Variants in CDC123 observed in about 807,000 individuals in gnomAD.
CDC123 encodes cell division cycle 123.
CDC123 carries 37 observed loss-of-function variants against 54.4 expected under a neutral mutation model. The ratio of observed to expected loss-of-function variants is 0.68; its 90% confidence interval spans 0.52 to 0.89. CDC123 has a LOEUF of 0.89. Ranked by LOEUF, CDC123 falls within the 40% of genes least tolerant of loss-of-function variation. The pLI is 0.00. For missense variants in CDC123, 361 were observed against 412.1 expected, an observed-to-expected ratio of 0.88 and a Z score of 1.07; for synonymous variants, 144 against 136.8, an observed-to-expected ratio of 1.05 and a Z score of -0.37.
At chr10:12,211,564 G>A (rs1435572459) in intron 4 of CDC123, among the ~76,000 whole-genome samples, 3 of 152,194 alleles carry the variant, frequency 2.0e-5, no homozygotes, top group African/African-American at 7.2e-5. Flanking sequence ...TCATGTAAAT[G>A]TTACTTATCT....
rs1048368182 is a variant in CDC123 at position 12,198,777 on chromosome 10, G to C, written c.146+1G>C. Reference sequence around the variant, plus strand: ...ATGGAACTCTGGTGGTTTCAGGAAGGTAAAGTATTTTAGAAAAAAATTTCT... The same window carrying C: ...ATGGAACTCTGGTGGTTTCAGGAAGCTAAAGTATTTTAGAAAAAAATTTCT... On this transcript the variant is annotated splice_donor_variant, in intron 2 of 12. Coordinates refer to ENST00000281141, the MANE Select transcript of CDC123 (RefSeq NM_006023.3). LOFTEE classifies it high-confidence loss of function. The C allele has an allele frequency of 5.8e-6, 9 of 1,548,384 alleles. No homozygotes were observed. Among genetic ancestry groups the C allele is most frequent in the African/African-American group, 1.4e-5 (1 of 72,934 alleles).
At chr10:12,246,990 C>G (rs1479088643) in intron 11 of CDC123, 2 of 135,666 alleles carry the variant, frequency 1.5e-5, no homozygotes, top group African/African-American at 2.8e-5. Flanking sequence ...CCTCAGGACA[C>G]TGTCCTCCTC....
chr10:12,244,255 C>G (rs61286303), intron 10 of CDC123, among the ~76,000 whole-genome samples: 1 of 152,218 alleles, frequency 6.6e-6, no homozygotes, highest in Non-Finnish European at 1.5e-5. Context: ...AGACACACAC[C>G]CGCTCAGGAC....
intron 6 of CDC123, among the ~76,000 whole-genome samples, chr10:12,224,194 T>C (rs1835774350): frequency 6.6e-6 from 1 of 151,426 alleles, no homozygotes. Context: ...GCCATTATTT[T>C]GTTCCTTAAA....
chr10:12,198,157 T>A (rs76448698), intron 1 of CDC123, among the ~76,000 whole-genome samples: 2,006 of 152,316 alleles, frequency 0.013, 88 homozygotes, highest in East Asian at 0.12. Context: ...AGCTAAAGCA[T>A]GCCTAGTTTA....
chr10:12,200,752 G>T (rs1196128151), intron 2 of CDC123, among the ~76,000 whole-genome samples: 1 of 152,128 alleles, frequency 6.6e-6, no homozygotes, highest in Non-Finnish European at 1.5e-5. Context: ...GACCAACATG[G>T]TGAAACCTCA....
chr10:12,196,482 C>A (rs1835348760), intron 1 of CDC123, among the ~76,000 whole-genome samples, 163 bp downstream of exon 1: 1 of 152,174 alleles, frequency 6.6e-6, no homozygotes, highest in South Asian at 2.1e-4. Flanking sequence ...CTGTTGCGAG[C>A]CAGCGAGTGT....
chr10:12,226,492 T>C (rs1230649101), intron 6 of CDC123, among the ~76,000 whole-genome samples: 1 of 146,542 alleles, frequency 6.8e-6, no homozygotes, highest in Non-Finnish European at 1.5e-5. Context: ...GGCTCCTCAC[T>C]TCTCAGACGG....
chr10:12,200,379 G>A (rs561632613), intron 2 of CDC123, among the ~76,000 whole-genome samples: 2 of 151,928 alleles, frequency 1.3e-5, no homozygotes, highest in South Asian at 2.1e-4. Flanking sequence ...ACCTGCTTCA[G>A]CCTCCCAAAG....
At position 12,249,604 on chromosome 10, in the gene CDC123, A is replaced by T; in HGVS notation, c.870A>T (p.Thr290=). ...QEQDSPAFRC[T]NSEVTVQPSP... is the part of the protein sequence containing the mutation. Reference sequence around the variant, plus strand: ...AGGATTCCCCAGCTTTCCGTTGCACAAACAGTGAAGTGACAGTCCAGCCCA... The same window carrying T: ...AGGATTCCCCAGCTTTCCGTTGCACTAACAGTGAAGTGACAGTCCAGCCCA... Residue 290 remains threonine (T), a synonymous_variant, in exon 12 of 13, where the codon ACA becomes ACT. Transcript: ENST00000281141. 1 of 1,613,718 alleles carries T rather than the reference A, an allele frequency of 6.2e-7. No homozygotes were observed. The highest frequency in any genetic ancestry group is 8.5e-7 in the Non-Finnish European group (1 of 1,179,934).
At chr10:12,247,102 C>A (rs1836153758) in intron 11 of CDC123, 1 of 102,206 alleles carries the variant, frequency 9.8e-6, no homozygotes, top group Non-Finnish European at 2.3e-5. Flanking sequence ...CTGTCCTCCT[C>A]TCTCACCTCC....
At chr10:12,239,705 T>C (rs1318731556) in intron 10 of CDC123, among the ~76,000 whole-genome samples, 1 of 23,782 alleles carries the variant, frequency 4.2e-5, no homozygotes, top group Non-Finnish European at 9.0e-5. Flanking sequence ...CGAAACTCTG[T>C]TTTTTAAAAA....
At chr10:12,222,608 CAAG>C (rs1835752263) in intron 6 of CDC123, among the ~76,000 whole-genome samples, 1 of 152,040 alleles carries the variant, frequency 6.6e-6, no homozygotes, top group East Asian at 1.9e-4. Flanking sequence ...GCTGAGTAGA[CAAG>C]AAAACATTTT....
At chr10:12,205,113 C>G (rs1835501090) in intron 2 of CDC123, among the ~76,000 whole-genome samples, 1 of 151,650 alleles carries the variant, frequency 6.6e-6, no homozygotes, top group African/African-American at 2.4e-5. Flanking sequence ...CATCTTTCTA[C>G]TCTCTATATC....
chr10:12,204,304 C>G (rs1835484601), intron 2 of CDC123, among the ~76,000 whole-genome samples: 1 of 152,024 alleles, frequency 6.6e-6, no homozygotes, highest in South Asian at 2.1e-4. Context: ...CTGACCTTGT[C>G]TCCCTTAAGG....
At chr10:12,201,714 GGAAGGCATT>G (rs1421797941) in intron 2 of CDC123, among the ~76,000 whole-genome samples, 2 of 152,192 alleles carry the variant, frequency 1.3e-5, no homozygotes, top group Non-Finnish European at 2.9e-5. Context: ...GAGAACGTCA[GGAAGGCATT>G]GAAGGGCTCT....
At chr10:12,206,825 GGC>G (rs1424793349) in intron 2 of CDC123, among the ~76,000 whole-genome samples, 2 of 152,024 alleles carry the variant, frequency 1.3e-5, no homozygotes, top group African/African-American at 4.8e-5. Context: ...CGGGTGTGGT[GGC>G]GGGCGCCTGG....
chr10:12,215,791 C>G lies in CDC123; in HGVS notation c.289C>G (p.Leu97Val). 6.2e-7 allele frequency: 1 copy of G among 1,612,672 alleles called. No individual in the cohort carries two copies. Residue 97 changes from leucine to valine, a missense_variant, in exon 5 of 13, where the codon CTC becomes GTC. By Grantham distance (32) the Leu-to-Val change is conservative. Transcript: ENST00000281141. ...TAAAGTCCAGGAAGCTATCAATTCC[C>G]TCGGGGGCAGTGTCTTTCCTAAGCT... Reference protein sequence around the residue: ...ATKVQEAINSLGGSVFPKLNW... With the variant: ...ATKVQEAINSVGGSVFPKLNW...
chr10:12,213,645 C>A (rs889317784), intron 4 of CDC123, among the ~76,000 whole-genome samples: 4 of 151,622 alleles, frequency 2.6e-5, no homozygotes, highest in Admixed American at 6.6e-5. Flanking sequence ...GTGTTAGTTC[C>A]GTGATTTTGA....
Sources: gnomAD v4.1 joint callset for allele counts (sites outside exome capture counted in the v4.1 genomes callset) on GRCh38, gnomAD v4.1.1 for gene constraint, MANE v1.5 for transcripts, NCBI Gene and HGNC (gene_info 2026-07-23, HGNC 2026-07-21) for gene names.